The following TM4SF4 variants were observed in gnomAD, a reference collection of about 807,000 sequenced individuals.
TM4SF4 encodes the protein transmembrane 4 L6 family member 4.
Under a neutral mutation model 24.1 loss-of-function variants are expected in TM4SF4, and 24 were observed. That is an observed-to-expected ratio of 1.00 (90% confidence interval 0.72 to 1.40). The LOEUF (loss-of-function observed/expected upper bound fraction) is 1.40. TM4SF4 is among the 40% of genes most tolerant of loss of function. The probability of loss-of-function intolerance (pLI) is 0.00; values close to 1 mark genes in which losing one functional copy is unlikely to be tolerated. For synonymous variants in TM4SF4, 113 were observed against 97.0 expected (o/e 1.17, Z -0.97); for missense variants, 254 against 254.2 (o/e 1.00, Z 0.01).
chr3:149,496,471 A>AG (rs1290723894), intron 3 of TM4SF4, among the ~76,000 whole-genome samples: 1 of 152,216 alleles, frequency 6.6e-6, no homozygotes, highest in Non-Finnish European at 1.5e-5. Context: ...AAGTTTAATG[A>AG]GAAAAAAAAA....
chr3:149,476,143 C>A lies in TM4SF4; in HGVS notation c.264+231C>A, dbSNP rs578074031. Among the ~76,000 whole-genome samples the A allele has an allele frequency of 2.6e-5, 4 of 152,286 alleles. No homozygotes were observed. In the South Asian group the frequency reaches 8.3e-4, roughly 32 times the overall value. ...GAATATTGTATTAGATTTTACAAAC[C>A]GACAGGGATGTCAGAACTGGAGATT... is the stretch of plus-strand genomic sequence containing the variant. On this transcript the variant is annotated intron_variant, in intron 2 of 4. Coordinates refer to ENST00000305354, the MANE Select transcript of TM4SF4 (RefSeq NM_004617.4).
rs754320071 is a variant in TM4SF4, at chr3:149,502,732, A to C, written c.*39A>C. 6.0e-6 allele frequency: 9 copies of C among 1,490,850 alleles called. No individual in the cohort carries two copies. The highest frequency in any genetic ancestry group is 8.4e-6 in the Non-Finnish European group (9 of 1,074,914). The allele number at this position is 1,490,850 out of a possible 1,614,324, so 92.4% of individuals were successfully genotyped here. On this transcript the variant is annotated 3_prime_UTR_variant, in exon 5 of 5. Coordinates refer to ENST00000305354, the MANE Select transcript of TM4SF4 (RefSeq NM_004617.4). ...GCTGCTCAGACTCTACAGCATGACG[A>C]CTACAATTTCTTTTCATAAAACTTC...
chr3:149,486,978 G>C (rs969325485), intron 2 of TM4SF4, among the ~76,000 whole-genome samples: 6 of 152,224 alleles, frequency 3.9e-5, no homozygotes, highest in African/African-American at 9.6e-5. Flanking sequence ...GCCAGGCCAG[G>C]TGCGGTGACT....
intron 2 of TM4SF4, among the ~76,000 whole-genome samples, chr3:149,479,066 C>A (rs968234687): frequency 6.6e-6 from 1 of 152,148 alleles, no homozygotes; most frequent in African/African-American, 2.4e-5. Context: ...TGCGCCTGGC[C>A]GATTGTTCTG....
At chr3:149,495,512 C>A in intron 3 of TM4SF4, 1 of 411,100 alleles carries the variant, frequency 2.4e-6, no homozygotes. Flanking sequence ...TGTTGAAATG[C>A]ACCATGTTGC....
At chr3:149,476,321 A>C (rs79268824) in intron 2 of TM4SF4, among the ~76,000 whole-genome samples, 2 of 152,310 alleles carry the variant, frequency 1.3e-5, no homozygotes, top group East Asian at 1.9e-4. Context: ...GGGACAGGAC[A>C]AAAGATGGTA....
chr3:149,500,895 T>C (rs1184516802), intron 4 of TM4SF4, among the ~76,000 whole-genome samples: 1 of 151,880 alleles, frequency 6.6e-6, no homozygotes, highest in African/African-American at 2.4e-5. Flanking sequence ...TGTGGTGGCA[T>C]GCACCTGTAG....
At chr3:149,492,290 T>C (rs1734222676) in intron 3 of TM4SF4, among the ~76,000 whole-genome samples, 1 of 152,188 alleles carries the variant, frequency 6.6e-6, no homozygotes, top group African/African-American at 2.4e-5. Flanking sequence ...TGCAATGCCA[T>C]AGCATTTAGC....
intron 2 of TM4SF4, among the ~76,000 whole-genome samples, chr3:149,480,657 A>C (rs1734018422): frequency 6.6e-6 from 1 of 152,174 alleles, no homozygotes; most frequent in African/African-American, 2.4e-5. Flanking sequence ...CCTGCAGGCC[A>C]AAAGCATCCC....
intron 2 of TM4SF4, among the ~76,000 whole-genome samples, chr3:149,487,294 C>G (rs977119623): frequency 2.6e-5 from 4 of 152,076 alleles, no homozygotes; most frequent in Admixed American, 1.3e-4. Context: ...TTCTTTGATT[C>G]TATAATAGAT....
intron 3 of TM4SF4, among the ~76,000 whole-genome samples, chr3:149,488,054 C>G (rs973909457): frequency 6.6e-6 from 1 of 152,188 alleles, no homozygotes. Context: ...TTATTAGCAG[C>G]AACACAAGGC....
chr3:149,479,989 C>T (rs1734005974), intron 2 of TM4SF4, among the ~76,000 whole-genome samples: 2 of 152,154 alleles, frequency 1.3e-5, no homozygotes, highest in African/African-American at 4.8e-5. Context: ...CTTGGATCAC[C>T]TGATTCATAG....
At chr3:149,475,506 G>A (rs985008822) in intron 1 of TM4SF4, among the ~76,000 whole-genome samples, 3 of 152,156 alleles carry the variant, frequency 2.0e-5, no homozygotes, top group East Asian at 1.9e-4. Flanking sequence ...GGGAACCTCC[G>A]TTTGAGAGAG....
intron 2 of TM4SF4, among the ~76,000 whole-genome samples, chr3:149,485,912 G>A (rs1456308200): frequency 6.6e-6 from 1 of 152,178 alleles, no homozygotes; most frequent in Non-Finnish European, 1.5e-5. Context: ...AGAATGAAGG[G>A]TCAGTTCTAC....
intron 2 of TM4SF4, 101 bp from the exon 3 acceptor site, chr3:149,487,518 C>T (rs1050678119): frequency 1.7e-5 from 25 of 1,450,214 alleles, no homozygotes; most frequent in Admixed American, 1.2e-4. Context: ...TACTCCATAA[C>T]TTCTTGTAGT....
intron 3 of TM4SF4, among the ~76,000 whole-genome samples, chr3:149,489,472 T>G (rs1417085273): frequency 6.6e-6 from 1 of 152,176 alleles, no homozygotes; most frequent in African/African-American, 2.4e-5. Context: ...ACAAAACAGA[T>G]GCCAAAAAAC....
intron 3 of TM4SF4, among the ~76,000 whole-genome samples, chr3:149,488,307 G>A (rs906864427): frequency 2.0e-5 from 3 of 152,152 alleles, no homozygotes; most frequent in Non-Finnish European, 2.9e-5. Context: ...TTTGTAGATT[G>A]TAAAGACCTT....
intron 1 of TM4SF4, 68 bp downstream of exon 1, chr3:149,475,119 G>A (rs74723974): frequency 0.067 from 100,400 of 1,488,406 alleles, 3,716 homozygotes; most frequent in Admixed American, 0.094. Context: ...TTTAAATCAG[G>A]TACTTATTGA....
intron 3 of TM4SF4, among the ~76,000 whole-genome samples, chr3:149,493,301 T>C (rs1734248988): frequency 1.3e-5 from 2 of 152,198 alleles, no homozygotes; most frequent in South Asian, 4.1e-4. Flanking sequence ...TCACATACTA[T>C]TATAGATGTA....
Sources: allele counts gnomAD v4.1 joint callset (sites outside exome capture counted in the v4.1 genomes callset), GRCh38; gene constraint gnomAD v4.1.1; transcripts MANE v1.5; gene names NCBI Gene and HGNC (gene_info 2026-07-23, HGNC 2026-07-21).